The following AGAP3 variants were observed in gnomAD, a reference collection of about 807,000 sequenced individuals.
AGAP3 encodes ArfGAP with GTPase domain, ankyrin repeat and PH domain 3, also known as arf-GAP with GTPase, ANK repeat and PH domain-containing protein 3.
AGAP3 carries 24 observed loss-of-function variants against 96.9 expected under a neutral mutation model. The ratio of observed to expected loss-of-function variants is 0.25; its 90% confidence interval spans 0.18 to 0.35. The LOEUF is 0.35. AGAP3 is among the 10% of genes least tolerant of loss of function. The probability of loss-of-function intolerance (pLI) is 1.00; values close to 1 mark genes in which losing one functional copy is unlikely to be tolerated. For synonymous variants in AGAP3, 563 were observed against 536.1 expected, an observed-to-expected ratio of 1.05 and a Z score of -0.69; for missense variants, 876 against 1,254.2, an observed-to-expected ratio of 0.70 and a Z score of 4.55.
chr7:151,117,706 A>C lies in AGAP3; in HGVS notation c.635A>C (p.Tyr212Ser), dbSNP rs1216082562. 6.2e-7 allele frequency: 1 copy of C among 1,614,070 alleles called. No homozygotes were observed. Among genetic ancestry groups the C allele is most frequent in the Non-Finnish European group, 8.5e-7 (1 of 1,180,024 alleles). ...GATGAAATCAGTTTCCAGACGGTGT[A>C]CAACTACTTCCTGCGTCTCTGCAGC... ...LEDEISFQTVYNYFLRLCSFR... is the reference protein window; with the variant it reads ...LEDEISFQTVSNYFLRLCSFR... The change falls in exon 5 of 18, where the codon TAC becomes TCC. Residue 212 changes from tyrosine to serine, a missense_variant. By Grantham distance (144) the Tyr-to-Ser change is moderately radical. Transcript: ENST00000397238.
At chr7:151,106,275 T>G (rs1426241469) in intron 1 of AGAP3, among the ~76,000 whole-genome samples, 1 of 152,052 alleles carries the variant, frequency 6.6e-6, no homozygotes, top group Non-Finnish European at 1.5e-5. Flanking sequence ...GGGTGTGAGG[T>G]CTTTCCTTTT....
chr7:151,121,684 C>T (rs960951669), intron 8 of AGAP3, among the ~76,000 whole-genome samples: 2 of 152,176 alleles, frequency 1.3e-5, no homozygotes, highest in South Asian at 2.1e-4. Context: ...GCTCACGGCA[C>T]GGCCTTCCCT....
intron 1 of AGAP3, chr7:151,115,496 A>AGCGCCGGAGCCCGGCCGCCCCC (rs1799524455): frequency 2.0e-6 from 2 of 1,017,738 alleles, no homozygotes; most frequent in Non-Finnish European, 1.2e-6. Context: ...CCCCGCGCGC[A>AGCGCCGGAGCCCGGCCGCCCCC]GCGCCGGAGC....
intron 1 of AGAP3, among the ~76,000 whole-genome samples, chr7:151,100,078 C>T (rs976646826): frequency 6.6e-6 from 1 of 152,206 alleles, no homozygotes; most frequent in Non-Finnish European, 1.5e-5. Context: ...GGGAAGGACC[C>T]GGGGCTTTGT....
In AGAP3 at chr7:151,118,458, T is replaced by C. The variant is rs1472529941; in HGVS notation, c.842-47T>C. 6.9e-6 allele frequency: 11 copies of C among 1,605,506 alleles called. No individual in the cohort carries two copies. Among genetic ancestry groups the C allele is most frequent in the Non-Finnish European group, 9.4e-6 (11 of 1,172,906 alleles). On this transcript the variant is annotated intron_variant, in intron 6 of 17. Transcript: ENST00000397238. The surrounding 1 kb of genome is among the most constrained non-coding windows in gnomAD (Gnocchi z 6.1). ...CTGGGGGGAGGTGCTAAGCCAGGCT[T>C]TTCCCTTCTCTCCAGTGGGTATAAT...
intron 1 of AGAP3, among the ~76,000 whole-genome samples, chr7:151,099,650 CG>C (rs1798757300): frequency 6.6e-6 from 1 of 152,124 alleles, no homozygotes; most frequent in South Asian, 2.1e-4. Context: ...CATGTGGGCC[CG>C]GGGACTGGCA....
intron 11 of AGAP3, among the ~76,000 whole-genome samples, chr7:151,135,516 A>G (rs940925390): frequency 2.6e-5 from 4 of 152,242 alleles, no homozygotes; most frequent in African/African-American, 4.8e-5. Context: ...CCCAAACAAT[A>G]AAGAATTGTC....
At chr7:151,093,245 G>A (rs1194119459) in intron 1 of AGAP3, among the ~76,000 whole-genome samples, 3 of 152,122 alleles carry the variant, frequency 2.0e-5, no homozygotes, top group Non-Finnish European at 4.4e-5. Flanking sequence ...GGGCTCAAGC[G>A]ATCTTCCACC....
At chr7:151,115,494 G>C in intron 1 of AGAP3, 1 of 1,018,252 alleles carries the variant, frequency 9.8e-7, no homozygotes, top group Non-Finnish European at 1.2e-6. Context: ...CGCCCCGCGC[G>C]CAGCGCCGGA....
chr7:151,126,146 T>C (rs1800157792), intron 9 of AGAP3, among the ~76,000 whole-genome samples: 1 of 151,490 alleles, frequency 6.6e-6, no homozygotes, highest in Non-Finnish European at 1.5e-5. Context: ...CGCCTCCGCC[T>C]GGGGAGGGCG....
rs1183846963 is a variant in AGAP3 at position 151,139,243 on chromosome 7, C to T, written c.1667-736C>T. Among the ~76,000 whole-genome samples the T allele has an allele frequency of 6.6e-6, 1 of 152,216 alleles. No individual in the cohort carries two copies. The highest frequency in any genetic ancestry group is 1.5e-5 in the Non-Finnish European group (1 of 68,038). ...CCCAGTAGGAGCCCTGAGGCCCAGCCTCTGAGCTGCCATGGCCTCAGGAGC... is the reference window on the plus strand; with the variant it reads ...CCCAGTAGGAGCCCTGAGGCCCAGCTTCTGAGCTGCCATGGCCTCAGGAGC... On this transcript the variant is annotated intron_variant, in intron 12 of 17. Transcript: ENST00000397238. This position sits in a 1 kb window ranked among gnomAD's most constrained non-coding sequence, Gnocchi z 4.9.
intron 9 of AGAP3, among the ~76,000 whole-genome samples, chr7:151,124,759 T>C (rs1800086023): frequency 6.6e-6 from 1 of 152,092 alleles, no homozygotes; most frequent in Non-Finnish European, 1.5e-5. Flanking sequence ...CCAGTCGGTG[T>C]GACCAGGATT....
chr7:151,115,125 A>C, intron 1 of AGAP3: 4 of 1,033,924 alleles, frequency 3.9e-6, no homozygotes, highest in Non-Finnish European at 3.5e-6. Flanking sequence ...CGGGGAGCCG[A>C]CTCCGCGGCC....
Position 151,139,896 on chromosome 7 carries a change from T to G in AGAP3, c.1667-83T>G. 7.7e-7 allele frequency: 1 copy of G among 1,295,336 alleles called. No individual in the cohort carries two copies. The highest frequency in any genetic ancestry group is 1.0e-6 in the Non-Finnish European group (1 of 989,926). The allele number at this position is 1,295,336 out of a possible 1,614,324, so 80.2% of individuals were successfully genotyped here. A position where few individuals can be genotyped will look rare whatever the true frequency, so the allele number is the denominator to read the frequency against. ...GCCCAGCTACAGTTGGCAGGACTGG[T>G]CCTCTCCTCCTCCCAGTGCCCTGCG... On this transcript the variant is annotated intron_variant, in intron 12 of 17. Transcript: ENST00000397238. This position sits in a 1 kb window ranked among gnomAD's most constrained non-coding sequence, Gnocchi z 4.9.
At chr7:151,130,613 T>A (rs1198758389) in intron 10 of AGAP3, among the ~76,000 whole-genome samples, 3 of 152,072 alleles carry the variant, frequency 2.0e-5, no homozygotes, top group African/African-American at 7.2e-5. Context: ...ATGCCGCACT[T>A]GTTGCACTGT....
intron 8 of AGAP3, among the ~76,000 whole-genome samples, chr7:151,121,326 T>A (rs1799880080): frequency 6.6e-6 from 1 of 151,718 alleles, no homozygotes; most frequent in African/African-American, 2.4e-5. Context: ...CCATGGCCAT[T>A]GAGACATTAG....
At chr7:151,098,202 T>C (rs967188099) in intron 1 of AGAP3, among the ~76,000 whole-genome samples, 3 of 151,526 alleles carry the variant, frequency 2.0e-5, no homozygotes, top group African/African-American at 7.3e-5. Flanking sequence ...CTACAAAAAA[T>C]AGGAAAATTA....
intron 1 of AGAP3, among the ~76,000 whole-genome samples, chr7:151,111,031 CCGCCCCCCGT>C (rs1410716758): frequency 6.6e-6 from 1 of 152,134 alleles, no homozygotes; most frequent in Non-Finnish European, 1.5e-5. Flanking sequence ...CGCTCTCCCC[CCGCCCCCCGT>C]CTTCTCCTCT....
chr7:151,120,731 G>A (rs762836974), intron 8 of AGAP3: 34 of 1,210,728 alleles, frequency 2.8e-5, no homozygotes, highest in Non-Finnish European at 3.4e-5. Flanking sequence ...ACGCTGCCTC[G>A]TTCCTCCCTC....
Sources: allele counts gnomAD v4.1 joint callset (sites outside exome capture counted in the v4.1 genomes callset), GRCh38; gene constraint gnomAD v4.1.1; non-coding constraint Gnocchi (gnomAD v3.1); transcripts MANE v1.5; gene names NCBI Gene and HGNC (gene_info 2026-07-23, HGNC 2026-07-21).